Variants in SDHAF3 observed in about 807,000 individuals in gnomAD.
SDHAF3 encodes succinate dehydrogenase complex assembly factor 3.
SDHAF3 carries 18 observed loss-of-function variants against 11.5 expected under a neutral mutation model. That is an observed-to-expected ratio of 1.56 (90% CI 1.08 to 2.32). The LOEUF (loss-of-function observed/expected upper bound fraction) is 2.32, where lower values mean the gene tolerates loss of function less well. SDHAF3 is among the 30% of genes most tolerant of loss of function. The probability of loss-of-function intolerance (pLI) is 0.00; values close to 1 mark genes in which losing one functional copy is unlikely to be tolerated. For synonymous variants in SDHAF3, 72 were observed against 59.3 expected (o/e 1.21, Z -0.99); for missense variants, 200 against 154.4 (o/e 1.30, Z -1.57).
At chr7:97,141,910 GT>G (rs1789051220) in intron 1 of SDHAF3, among the ~76,000 whole-genome samples, 1 of 151,996 alleles carries the variant, frequency 6.6e-6, no homozygotes, top group African/African-American at 2.4e-5. Flanking sequence ...ACAGTAGTAT[GT>G]TTTAATAGAT....
At chr7:97,177,659 T>G (rs941290865) in intron 1 of SDHAF3, among the ~76,000 whole-genome samples, 14 of 152,234 alleles carry the variant, frequency 9.2e-5, no homozygotes, top group African/African-American at 3.4e-4. Context: ...TGTTTAAAAC[T>G]GGATAATTTC....
chr7:97,173,926 C>T (rs1289320018), intron 1 of SDHAF3, among the ~76,000 whole-genome samples: 7 of 135,682 alleles, frequency 5.2e-5, no homozygotes, highest in African/African-American at 1.6e-4. Flanking sequence ...GCTTTTTTTT[C>T]TTTTTTTTTT....
chr7:97,165,136 A>T (rs1789481844), intron 1 of SDHAF3, among the ~76,000 whole-genome samples: 1 of 152,016 alleles, frequency 6.6e-6, no homozygotes, highest in South Asian at 2.1e-4. Flanking sequence ...AATACAAAAA[A>T]ATTAGCCAGG....
rs1270426091 is a variant in SDHAF3 at position 97,117,782 on chromosome 7, AC to A, written c.61del (p.Arg21ValfsTer15). ...RALYKRVLQL[H>X]RVLPPDLKSL... ...TTGTACAAGCGCGTCTTGCAGCTGC[AC>A]CGTGTTCTGCCCCCGGACCTCAAAT... On this transcript the variant is annotated frameshift_variant, in exon 1 of 2. Transcript: ENST00000432641. LOFTEE classifies it high-confidence loss of function. The A allele has an allele frequency of 6.2e-7, 1 of 1,614,044 alleles. No individual in the cohort carries two copies. The highest frequency in any genetic ancestry group is 1.3e-5 in the African/African-American group (1 of 74,912).
At chr7:97,174,356 G>T (rs1789649408) in intron 1 of SDHAF3, among the ~76,000 whole-genome samples, 1 of 152,198 alleles carries the variant, frequency 6.6e-6, no homozygotes, top group South Asian at 2.1e-4. Context: ...CCTTTCTGCA[G>T]CTACTTCCCC....
intron 1 of SDHAF3, among the ~76,000 whole-genome samples, chr7:97,177,462 A>G (rs149259418): frequency 0.025 from 3,811 of 152,232 alleles, 148 homozygotes; most frequent in African/African-American, 0.087. Context: ...AGATCGCGCC[A>G]CTGCACTCCA....
intron 1 of SDHAF3, among the ~76,000 whole-genome samples, chr7:97,173,094 A>C (rs1334541997): frequency 6.6e-6 from 1 of 152,224 alleles, no homozygotes; most frequent in Non-Finnish European, 1.5e-5. Flanking sequence ...GTAAGAATCT[A>C]ATGCCACTGC....
In SDHAF3 at chr7:97,170,659, C is replaced by CT. The variant is rs572336938; in HGVS notation, c.175-10345dup. Reference sequence around the variant, plus strand: ...TAGCCAAGAACTTTCTACGTTCTTGCTTTTTTTTCTTTTTATCTTTGCTGT... The same window carrying CT: ...TAGCCAAGAACTTTCTACGTTCTTGCTTTTTTTTTCTTTTTATCTTTGCTGT... On this transcript the variant is annotated intron_variant, in intron 1 of 1. Coordinates refer to ENST00000432641, the MANE Select transcript of SDHAF3 (RefSeq NM_020186.3). Among the ~76,000 whole-genome samples the CT allele has an allele frequency of 2.6e-3, 389 of 152,004 alleles. 5 individuals are homozygous for CT. The highest frequency in any genetic ancestry group is 7.9e-3 in the Admixed American group (120 of 15,256).
intron 1 of SDHAF3, among the ~76,000 whole-genome samples, chr7:97,157,836 C>T (rs1789327888): frequency 6.6e-6 from 1 of 151,680 alleles, no homozygotes; most frequent in Non-Finnish European, 1.5e-5. Context: ...AAGCTGGAAA[C>T]CATCATTCTC....
In SDHAF3 at chr7:97,124,031, G is replaced by A. The variant is rs535294090; in HGVS notation, c.174+6134G>A. 1.2e-4 allele frequency among the ~76,000 whole-genome samples: 19 copies of A among 152,212 alleles called. No homozygotes were observed. In the South Asian group the frequency reaches 2.5e-3, roughly 20 times the overall value. Reference sequence around the variant, plus strand: ...ATCTCATTTGTCAATTTTGGCTTTCGTTGCCATTGCTGTTGGTGTTTTAGT... The same window carrying A: ...ATCTCATTTGTCAATTTTGGCTTTCATTGCCATTGCTGTTGGTGTTTTAGT... On this transcript the variant is annotated intron_variant, in intron 1 of 1. Coordinates refer to ENST00000432641, the MANE Select transcript of SDHAF3 (RefSeq NM_020186.3).
intron 1 of SDHAF3, among the ~76,000 whole-genome samples, chr7:97,176,659 GTT>G (rs1562832885): frequency 1.3e-5 from 2 of 152,000 alleles, no homozygotes; most frequent in African/African-American, 4.8e-5. Context: ...GAAAGGTTGG[GTT>G]TTTTTGTTTC....
At chr7:97,161,804 T>G (rs1789416021) in intron 1 of SDHAF3, among the ~76,000 whole-genome samples, 1 of 152,266 alleles carries the variant, frequency 6.6e-6, no homozygotes, top group Non-Finnish European at 1.5e-5. Context: ...CATGGTGGTA[T>G]GTGCCACATT....
In SDHAF3 at chr7:97,117,886, C is replaced by G. The variant is rs1466738053; in HGVS notation, c.163C>G (p.Gln55Glu). 1.2e-6 allele frequency: 2 copies of G among 1,613,994 alleles called. No individual in the cohort carries two copies. The highest frequency in any genetic ancestry group is 1.7e-6 in the Non-Finnish European group (2 of 1,179,884). ...TTCTGACGAGGCACAGCGTTTCTTG[C>G]AAGAATGGGAGGCAAGTGACGCTCC... ...VGSDEAQRFL[Q>E]EWEVYATALL... Residue 55 changes from glutamine (Q) to glutamate (E), a missense_variant, in exon 1 of 2, where the codon CAA (glutamine) becomes GAA (glutamate). Physicochemically the swap from Gln to Glu is conservative, Grantham distance 29 (BLOSUM62 2). Transcript: ENST00000432641.
At chr7:97,129,806 C>A (rs1791638169) in intron 1 of SDHAF3, among the ~76,000 whole-genome samples, 1 of 152,146 alleles carries the variant, frequency 6.6e-6, no homozygotes, top group Non-Finnish European at 1.5e-5. Flanking sequence ...CAGCCTGGAT[C>A]CCATGTCTGC....
intron 1 of SDHAF3, among the ~76,000 whole-genome samples, chr7:97,161,193 G>A (rs1789404596): frequency 6.6e-6 from 1 of 152,138 alleles, no homozygotes; most frequent in African/African-American, 2.4e-5. Flanking sequence ...GTAGGCTAAT[G>A]TGAGTGTTCT....
intron 1 of SDHAF3, among the ~76,000 whole-genome samples, chr7:97,136,807 C>T (rs1247238905): frequency 6.6e-6 from 1 of 151,912 alleles, no homozygotes; most frequent in East Asian, 2.0e-4. Flanking sequence ...GATTAATATC[C>T]AGCAATTTAT....
At chr7:97,121,854 G>GT (rs56186976) in intron 1 of SDHAF3, among the ~76,000 whole-genome samples, 4,401 of 129,780 alleles carry the variant, frequency 0.034, 193 homozygotes, top group African/African-American at 0.11. Context: ...TTTTTTTTTT[G>GT]TTTTTTTTTT....
intron 1 of SDHAF3, among the ~76,000 whole-genome samples, chr7:97,150,633 A>G (rs1584222612): frequency 7.1e-6 from 1 of 139,936 alleles, no homozygotes; most frequent in Non-Finnish European, 1.5e-5. Context: ...GCCTGATCTC[A>G]GCTCACTGTA....
chr7:97,152,805 A>G (rs1270975233), intron 1 of SDHAF3, among the ~76,000 whole-genome samples: 18 of 152,170 alleles, frequency 1.2e-4, no homozygotes, highest in Admixed American at 1.1e-3. Context: ...GTGTGCCACC[A>G]TGCCCAGCAA....
Sources: gnomAD v4.1 joint callset for allele counts (sites outside exome capture counted in the v4.1 genomes callset) on GRCh38, gnomAD v4.1.1 for gene constraint, MANE v1.5 for transcripts, NCBI Gene and HGNC (gene_info 2026-07-23, HGNC 2026-07-21) for gene names.